The following ZNF385D variants were observed in gnomAD, a reference collection of about 807,000 sequenced individuals.
ZNF385D encodes the protein zinc finger protein 385D, also known as zinc finger protein 659.
ZNF385D carries 15 observed loss-of-function variants against 35.8 expected under a neutral mutation model. That is an observed-to-expected ratio of 0.42 (90% CI 0.28 to 0.64). The LOEUF is 0.64. ZNF385D is among the 30% of genes least tolerant of loss of function. The pLI is 0.23. For synonymous variants in ZNF385D, 212 were observed against 186.8 expected (o/e 1.13, Z -1.10); for missense variants, 474 against 494.6 (o/e 0.96, Z 0.39).
chr3:21,690,240 C>A (rs1305813194), intron 1 of ZNF385D, among the ~76,000 whole-genome samples: 1 of 151,836 alleles, frequency 6.6e-6, no homozygotes, highest in Non-Finnish European at 1.5e-5. Flanking sequence ...TACACACACA[C>A]ATATTCATAT....
intron 5 of ZNF385D, among the ~76,000 whole-genome samples, chr3:21,434,608 T>C (rs948059575): frequency 2.0e-5 from 3 of 152,100 alleles, no homozygotes; most frequent in African/African-American, 7.2e-5. Flanking sequence ...AAGTTACAAA[T>C]AATAGAGCTG....
intron 3 of ZNF385D, among the ~76,000 whole-genome samples, chr3:21,548,800 C>G (rs1046926162): frequency 5.3e-5 from 8 of 152,168 alleles, no homozygotes; most frequent in African/African-American, 1.9e-4. Context: ...CCCCTGATAT[C>G]ATACATAAAA....
At chr3:22,016,747 T>C (rs1390329224) in intron 3 of ZNF385D, among the ~76,000 whole-genome samples, 1 of 151,298 alleles carries the variant, frequency 6.6e-6, no homozygotes, top group African/African-American at 2.5e-5. Context: ...AGTCCTCTGC[T>C]GTGTTAAAGC....
At chr3:21,473,855 C>A (rs375068139) in intron 4 of ZNF385D, among the ~76,000 whole-genome samples, 15 of 152,156 alleles carry the variant, frequency 9.9e-5, no homozygotes, top group African/African-American at 3.6e-4. Flanking sequence ...GACGCTCACC[C>A]ATTTTCTTCT....
intron 3 of ZNF385D, among the ~76,000 whole-genome samples, chr3:21,531,575 C>T (rs1019677143): frequency 6.6e-6 from 1 of 152,216 alleles, no homozygotes; most frequent in East Asian, 1.9e-4. Context: ...TTATTCAATG[C>T]TAAAAAGTAA....
chr3:21,980,141 G>C (rs894106654), intron 3 of ZNF385D, among the ~76,000 whole-genome samples: 1 of 152,068 alleles, frequency 6.6e-6, no homozygotes, highest in Non-Finnish European at 1.5e-5. Context: ...GAGGCTCTTG[G>C]GGCAAGGAAC....
intron 3 of ZNF385D, among the ~76,000 whole-genome samples, chr3:22,038,284 G>T (rs1441915098): frequency 6.6e-6 from 1 of 152,154 alleles, no homozygotes; most frequent in Admixed American, 6.6e-5. Context: ...TAAATTAACT[G>T]AGGAAACTAT....
At chr3:22,250,719 G>A (rs1006497787) in intron 2 of ZNF385D, among the ~76,000 whole-genome samples, 1 of 152,046 alleles carries the variant, frequency 6.6e-6, no homozygotes, top group Non-Finnish European at 1.5e-5. Context: ...CACAAAGCCT[G>A]CCCTGGCTAC....
intron 2 of ZNF385D, among the ~76,000 whole-genome samples, chr3:22,349,751 AT>A (rs1695831123): frequency 6.9e-6 from 1 of 144,118 alleles, no homozygotes; most frequent in Non-Finnish European, 1.5e-5. Flanking sequence ...TGCAATATTT[AT>A]GGTCTGGGTC....
At chr3:21,708,237 G>A (rs1307345146) in intron 1 of ZNF385D, among the ~76,000 whole-genome samples, 2 of 152,216 alleles carry the variant, frequency 1.3e-5, no homozygotes, top group African/African-American at 2.4e-5. Context: ...CAAATGGGCA[G>A]CAGCAGTAAC....
At chr3:21,742,534 GGC>G (rs1365114939) in intron 1 of ZNF385D, among the ~76,000 whole-genome samples, 2 of 152,204 alleles carry the variant, frequency 1.3e-5, no homozygotes, top group Non-Finnish European at 2.9e-5. Context: ...ACATTTCCCA[GGC>G]CACCTCAGTC....
intron 3 of ZNF385D, among the ~76,000 whole-genome samples, chr3:21,967,653 C>A (rs182451047): frequency 6.9e-4 from 105 of 152,284 alleles, no homozygotes; most frequent in Admixed American, 1.8e-3. Context: ...GTTAGAGGGG[C>A]TCCTAAGACT....
chr3:21,701,518 A>C (rs1219915400), intron 1 of ZNF385D, among the ~76,000 whole-genome samples: 3 of 152,132 alleles, frequency 2.0e-5, no homozygotes, highest in South Asian at 2.1e-4. Context: ...ATCATTCCAA[A>C]CCTGGCCCCT....
intron 3 of ZNF385D, among the ~76,000 whole-genome samples, chr3:21,764,420 T>C (rs2070744011): frequency 6.6e-6 from 1 of 152,126 alleles, no homozygotes; most frequent in East Asian, 1.9e-4. Flanking sequence ...AAGCATCCAG[T>C]GGAAATAAAG....
intron 3 of ZNF385D, among the ~76,000 whole-genome samples, chr3:21,831,715 G>A (rs1035769276): frequency 2.0e-5 from 3 of 152,088 alleles, no homozygotes; most frequent in Non-Finnish European, 4.4e-5. Flanking sequence ...GCCTTCTATT[G>A]GATATAAACA....
chr3:21,527,403 C>T (rs897691327), intron 3 of ZNF385D, among the ~76,000 whole-genome samples: 56 of 152,096 alleles, frequency 3.7e-4, no homozygotes, highest in Admixed American at 2.0e-4. Flanking sequence ...AACTAGGCCC[C>T]GAACTTTATT....
rs142795708 is a variant in ZNF385D, at chr3:22,165,648, C to A, written c.325+3169G>T. Among the ~76,000 whole-genome samples the A allele has an allele frequency of 2.6e-3, 393 of 152,270 alleles. 1 individual carries two copies. Among genetic ancestry groups the A allele is most frequent in the African/African-American group, 9.2e-3 (384 of 41,552 alleles). ...GATTTAGTACAGGAATATAGCATTT[C>A]TCCTAATGCTTAAGAAGTTGATTAA... On this transcript the variant is annotated intron_variant, in intron 3 of 5. Transcript: ENST00000494108.
At chr3:22,173,955 C>T (rs1694641194) in intron 2 of ZNF385D, among the ~76,000 whole-genome samples, 1 of 151,978 alleles carries the variant, frequency 6.6e-6, no homozygotes, top group South Asian at 2.1e-4. Context: ...AACAAAAAAT[C>T]TAATACACCT....
chr3:22,315,213 A>G (rs1228734489), intron 2 of ZNF385D, among the ~76,000 whole-genome samples: 1 of 152,218 alleles, frequency 6.6e-6, no homozygotes, highest in African/African-American at 2.4e-5. Context: ...ACAGCATCTT[A>G]GTAGAGTGGA....
Sources: allele counts gnomAD v4.1 joint callset (sites outside exome capture counted in the v4.1 genomes callset), GRCh38; gene constraint gnomAD v4.1.1; transcripts MANE v1.5; gene names NCBI Gene and HGNC (gene_info 2026-07-23, HGNC 2026-07-21).